The following GRM5 variants were observed in gnomAD, a reference collection of about 807,000 sequenced individuals.
GRM5 encodes the protein metabotropic glutamate receptor 5.
GRM5 carries 19 observed loss-of-function variants against 83.1 expected under a neutral mutation model. The observed-to-expected ratio is 0.23, with a 90% CI of 0.16 to 0.34. The LOEUF (loss-of-function observed/expected upper bound fraction) is 0.34, where lower values mean the gene tolerates loss of function less well. GRM5 is among the 10% of genes least tolerant of loss of function. The pLI is 1.00. For missense variants in GRM5, 1,160 were observed against 1,588.3 expected, an observed-to-expected ratio of 0.73 and a Z score of 4.58; for synonymous variants, 675 against 633.6, an observed-to-expected ratio of 1.07 and a Z score of -0.98.
rs181278235 is a variant in GRM5 at position 88,933,557 on chromosome 11, T to C, written c.662-83402A>G. 6.3e-3 allele frequency among the ~76,000 whole-genome samples: 953 copies of C among 151,986 alleles called. 7 individuals are homozygous for C. The highest frequency in any genetic ancestry group is 0.021 in the African/African-American group (891 of 41,540). ...AAAAGTTTAAATACTTTCAGTAGTG[T>C]TCTCAATTTATCACTCCATGTCACA... On this transcript the variant is annotated intron_variant, in intron 2 of 9. Coordinates refer to ENST00000305447, the MANE Select transcript of GRM5 (RefSeq NM_001143831.3).
chr11:88,974,056 A>G (rs190670616), intron 2 of GRM5, among the ~76,000 whole-genome samples: 2 of 152,254 alleles, frequency 1.3e-5, no homozygotes, highest in African/African-American at 4.8e-5. Context: ...AAAGCTATTT[A>G]TTTCCTAGTT....
intron 8 of GRM5, among the ~76,000 whole-genome samples, chr11:88,563,860 C>G (rs145356819): frequency 6.6e-6 from 1 of 152,284 alleles, no homozygotes; most frequent in African/African-American, 2.4e-5. Context: ...AGCTGAATCC[C>G]TGCATAACCA....
At chr11:88,808,125 T>C (rs1004031461) in intron 3 of GRM5, among the ~76,000 whole-genome samples, 1 of 152,046 alleles carries the variant, frequency 6.6e-6, no homozygotes, top group Non-Finnish European at 1.5e-5. Context: ...TACTGGCAAT[T>C]ATTTATAGAA....
chr11:88,906,774 G>A (rs575289562), intron 2 of GRM5, among the ~76,000 whole-genome samples: 48 of 152,192 alleles, frequency 3.2e-4, no homozygotes, highest in Non-Finnish European at 5.6e-4. Flanking sequence ...ATATTCATCT[G>A]CTAAAAATTG....
intron 3 of GRM5, among the ~76,000 whole-genome samples, chr11:88,815,021 C>CAA (rs1386355753): frequency 6.6e-6 from 1 of 152,140 alleles, no homozygotes; most frequent in Non-Finnish European, 1.5e-5. Context: ...CTTGACAAAA[C>CAA]AAGTCAACTG....
At chr11:88,975,680 C>T (rs1407444007) in intron 2 of GRM5, among the ~76,000 whole-genome samples, 1 of 152,194 alleles carries the variant, frequency 6.6e-6, no homozygotes, top group East Asian at 1.9e-4. Context: ...TTAACATTAT[C>T]CCCAGTTGAC....
At chr11:88,777,778 A>C (rs992865326) in intron 3 of GRM5, among the ~76,000 whole-genome samples, 1 of 152,094 alleles carries the variant, frequency 6.6e-6, no homozygotes, top group Admixed American at 6.6e-5. Flanking sequence ...TGCAGAACAG[A>C]GAATATTGCA....
intron 2 of GRM5, among the ~76,000 whole-genome samples, chr11:89,022,062 A>G (rs941613244): frequency 2.6e-5 from 4 of 152,156 alleles, no homozygotes; most frequent in Admixed American, 2.0e-4. Flanking sequence ...GGGCTGGTGA[A>G]ATATTTTTCC....
intron 2 of GRM5, among the ~76,000 whole-genome samples, chr11:88,945,703 G>T (rs1486149075): frequency 6.6e-6 from 1 of 151,878 alleles, no homozygotes; most frequent in Admixed American, 6.6e-5. Context: ...AATGAAACTG[G>T]ACTCCTACCT....
chr11:88,792,595 T>C (rs998367903), intron 3 of GRM5, among the ~76,000 whole-genome samples: 2 of 152,102 alleles, frequency 1.3e-5, no homozygotes, highest in African/African-American at 4.8e-5. Context: ...AGCTCCAGCT[T>C]ACTTCTCCAT....
chr11:88,696,983 A>G (rs911559694), intron 3 of GRM5, among the ~76,000 whole-genome samples: 1 of 152,182 alleles, frequency 6.6e-6, no homozygotes, highest in Non-Finnish European at 1.5e-5. Context: ...TTTCTTTCTA[A>G]GCCTACCAGC....
chr11:88,575,148 G>A (rs1943083066), intron 7 of GRM5, among the ~76,000 whole-genome samples: 1 of 152,056 alleles, frequency 6.6e-6, no homozygotes, highest in Admixed American at 6.6e-5. Context: ...TATCCAAGGT[G>A]TTAAGCAAGT....
At chr11:88,541,832 CAT>C (rs1419400101) in intron 8 of GRM5, among the ~76,000 whole-genome samples, 2 of 152,178 alleles carry the variant, frequency 1.3e-5, no homozygotes, top group East Asian at 1.9e-4. Flanking sequence ...GTAATTCTCA[CAT>C]GTCAAGGGAG....
intron 2 of GRM5, among the ~76,000 whole-genome samples, chr11:89,002,244 T>C (rs1363536836): frequency 6.6e-6 from 1 of 152,176 alleles, no homozygotes; most frequent in Non-Finnish European, 1.5e-5. Flanking sequence ...ATGCTTTAAA[T>C]AAAGTCATAA....
rs140254618 is a variant in GRM5 at position 88,566,937 on chromosome 11, C to A, written c.2630+116G>T. The A allele has an allele frequency of 6.7e-5, 45 of 669,958 alleles. No homozygotes were observed. The East Asian group carries it at 1.2e-3, about 18-fold the overall frequency. 41.5% of individuals were successfully genotyped at this position (669,958 alleles called of 1,614,324 possible). ...ATGAGAAGGTCCATGCCGTAAGTCA[C>A]CCTGCCTCACATGGTTTCATTTACC... On this transcript the variant is annotated intron_variant, in intron 8 of 9. Coordinates refer to ENST00000305447, the MANE Select transcript of GRM5 (RefSeq NM_001143831.3).
chr11:88,712,457 A>G (rs1941303627), intron 3 of GRM5, among the ~76,000 whole-genome samples: 1 of 151,942 alleles, frequency 6.6e-6, no homozygotes, highest in Non-Finnish European at 1.5e-5. Context: ...AGTTTTATTT[A>G]TTTCATCTTG....
chr11:88,586,795 C>A (rs888336898), intron 7 of GRM5, among the ~76,000 whole-genome samples: 1 of 152,084 alleles, frequency 6.6e-6, no homozygotes, highest in African/African-American at 2.4e-5. Flanking sequence ...CATTTTTCCC[C>A]TACCCAGACC....
chr11:88,767,183 A>G (rs1942639901), intron 3 of GRM5, among the ~76,000 whole-genome samples: 1 of 151,958 alleles, frequency 6.6e-6, no homozygotes, highest in African/African-American at 2.4e-5. Flanking sequence ...AAAAAATAAA[A>G]GATGCTGGTG....
intron 2 of GRM5, among the ~76,000 whole-genome samples, chr11:88,947,535 T>G (rs1261260121): frequency 2.1e-5 from 3 of 141,336 alleles, no homozygotes; most frequent in Non-Finnish European, 3.0e-5. Context: ...GCATTGTTAG[T>G]TTTTTTTTTT....
Sources: gnomAD v4.1 joint callset for allele counts (sites outside exome capture counted in the v4.1 genomes callset) on GRCh38, gnomAD v4.1.1 for gene constraint, MANE v1.5 for transcripts, NCBI Gene and HGNC (gene_info 2026-07-23, HGNC 2026-07-21) for gene names.